SORCS2: variants seen among roughly 807,000 people sequenced by gnomAD.
SORCS2 encodes the protein VPS10 domain-containing receptor SorCS2.
Under a neutral mutation model 141.6 loss-of-function variants are expected in SORCS2, and 100 were observed. The ratio of observed to expected loss-of-function variants is 0.71; its 90% CI spans 0.60 to 0.83. The LOEUF is 0.83. SORCS2 is among the 40% of genes least tolerant of loss of function. SORCS2 has a pLI of 0.00. For missense variants in SORCS2, 1,646 were observed against 1,560.2 expected, an observed-to-expected ratio of 1.05 and a Z score of -0.93; for synonymous variants, 789 against 676.9, an observed-to-expected ratio of 1.17 and a Z score of -2.57.
chr4:7,724,474 A>ATGG (rs1288837332), intron 19 of SORCS2, among the ~76,000 whole-genome samples: 22 of 26,214 alleles, frequency 8.4e-4, no homozygotes, highest in African/African-American at 3.2e-3. Context: ...GGTGATGGTG[A>ATGG]TGGTGGTGAT....
At chr4:7,379,327 G>A (rs539632216) in intron 1 of SORCS2, among the ~76,000 whole-genome samples, 18 of 152,324 alleles carry the variant, frequency 1.2e-4, no homozygotes, top group African/African-American at 4.3e-4. Context: ...GGCATCTGCA[G>A]GGCTGCCTTG....
Position 7,689,553 on chromosome 4 carries a change from C to T in SORCS2, c.1556C>T (p.Thr519Ile). 3 of 1,605,388 alleles carry T rather than the reference C, an allele frequency of 1.9e-6. No homozygotes were observed. Among genetic ancestry groups the T allele is most frequent in the Non-Finnish European group, 1.7e-6 (2 of 1,176,518 alleles). The stretch of plus-strand genomic sequence containing the variant: ...CCCTACGTATCAGGCACCGTGCACA[C>T]CAAGGACACCGCCCCAGGCCTCATC... ...DNPYVSGTVHTKDTAPGLIMG... is the reference protein window; with the variant it reads ...DNPYVSGTVHIKDTAPGLIMG... Residue 519 changes from threonine to isoleucine, a missense_variant, in exon 11 of 27, where the codon ACC (threonine) becomes ATC (isoleucine). Transcript: ENST00000507866.
intron 1 of SORCS2, among the ~76,000 whole-genome samples, chr4:7,334,006 G>A (rs536929832): frequency 6.6e-6 from 1 of 152,226 alleles, no homozygotes; most frequent in East Asian, 1.9e-4. Flanking sequence ...TGCTGCCAGA[G>A]CCGACTGGGA....
At chr4:7,216,130 G>A (rs12152651) in intron 1 of SORCS2, among the ~76,000 whole-genome samples, 48,170 of 151,898 alleles carry the variant, frequency 0.32, 8,309 homozygotes, top group Non-Finnish European at 0.39. Context: ...ACGAGCCCAC[G>A]GGGAGGAACA....
intron 2 of SORCS2, among the ~76,000 whole-genome samples, chr4:7,400,593 A>C (rs1010997088): frequency 2.0e-5 from 3 of 152,222 alleles, no homozygotes; most frequent in Admixed American, 6.5e-5. Flanking sequence ...TAGGAGATAC[A>C]TGTTGGGCAT....
intron 2 of SORCS2, among the ~76,000 whole-genome samples, chr4:7,502,461 G>T (rs1336614190): frequency 6.6e-6 from 1 of 152,200 alleles, no homozygotes; most frequent in East Asian, 1.9e-4. Context: ...GGTGGAGATG[G>T]GGACATTCAA....
At chr4:7,344,771 G>A (rs1294517407) in intron 1 of SORCS2, among the ~76,000 whole-genome samples, 2 of 152,180 alleles carry the variant, frequency 1.3e-5, no homozygotes, top group East Asian at 1.9e-4. Context: ...ATGGGAAAGC[G>A]AATAAACCCC....
chr4:7,478,673 C>T (rs10937822), intron 2 of SORCS2, among the ~76,000 whole-genome samples: 11,251 of 152,212 alleles, frequency 0.074, 662 homozygotes, highest in South Asian at 0.23. Context: ...ACTTTGCACA[C>T]GGCTTCCTGA....
At chr4:7,554,828 AC>A (rs1478689756) in intron 3 of SORCS2, among the ~76,000 whole-genome samples, 1 of 152,120 alleles carries the variant, frequency 6.6e-6, no homozygotes, top group African/African-American at 2.4e-5. Flanking sequence ...TGCACACAGG[AC>A]CCCGTGAGAA....
At chr4:7,325,173 C>T (rs549674551) in intron 1 of SORCS2, among the ~76,000 whole-genome samples, 1 of 152,242 alleles carries the variant, frequency 6.6e-6, no homozygotes, top group South Asian at 2.1e-4. Flanking sequence ...TGAGGAGGTG[C>T]AGGGCACTGG....
At chr4:7,650,149 C>T (rs1721338609) in intron 4 of SORCS2, among the ~76,000 whole-genome samples, 1 of 152,216 alleles carries the variant, frequency 6.6e-6, no homozygotes, top group South Asian at 2.1e-4. Context: ...ATTCAAACCA[C>T]AGATAATTCA....
At chr4:7,574,369 C>A (rs1190458214) in intron 3 of SORCS2, among the ~76,000 whole-genome samples, 1 of 152,222 alleles carries the variant, frequency 6.6e-6, no homozygotes, top group Admixed American at 6.5e-5. Context: ...CAGCCAAGTG[C>A]ATTTTTTAAC....
At chr4:7,532,717 T>C (rs1466685255) in intron 3 of SORCS2, among the ~76,000 whole-genome samples, 1 of 151,506 alleles carries the variant, frequency 6.6e-6, no homozygotes, top group Non-Finnish European at 1.5e-5. Flanking sequence ...GGGGCTGAGA[T>C]GCGTGCAGCC....
chr4:7,463,211 A>G (rs7677309), intron 2 of SORCS2, among the ~76,000 whole-genome samples: 84,477 of 152,016 alleles, frequency 0.56, 24,532 homozygotes, highest in African/African-American at 0.68. Flanking sequence ...ATGAATGACT[A>G]CGGGATTAAG....
intron 14 of SORCS2, among the ~76,000 whole-genome samples, chr4:7,708,546 A>G (rs533732613): frequency 2.0e-5 from 3 of 151,992 alleles, no homozygotes; most frequent in Non-Finnish European, 4.4e-5. Context: ...CTTGTCCTTC[A>G]GCGCCCCGGG....
At chr4:7,406,770 G>T (rs750116401) in intron 2 of SORCS2, among the ~76,000 whole-genome samples, 2 of 151,424 alleles carry the variant, frequency 1.3e-5, no homozygotes, top group Non-Finnish European at 3.0e-5. Context: ...ATTAATTTTG[G>T]ATTTGGTTTG....
chr4:7,519,234 G>A (rs1375262588), intron 2 of SORCS2, among the ~76,000 whole-genome samples: 1 of 152,148 alleles, frequency 6.6e-6, no homozygotes, highest in South Asian at 2.1e-4. Context: ...CTCGTTCACC[G>A]TGGATGGTTA....
chr4:7,280,499 A>C (rs1324923516), intron 1 of SORCS2, among the ~76,000 whole-genome samples: 1 of 152,198 alleles, frequency 6.6e-6, no homozygotes, highest in Non-Finnish European at 1.5e-5. Context: ...TACTTCTTGC[A>C]GAAGGATAAC....
At chr4:7,341,302 G>T (rs1167170820) in intron 1 of SORCS2, among the ~76,000 whole-genome samples, 1 of 152,154 alleles carries the variant, frequency 6.6e-6, no homozygotes, top group East Asian at 1.9e-4. Context: ...TCTCTTGGGT[G>T]CCCTTCTGCC....
Sources: gnomAD v4.1 joint callset for allele counts (sites outside exome capture counted in the v4.1 genomes callset) on GRCh38, gnomAD v4.1.1 for gene constraint, MANE v1.5 for transcripts, NCBI Gene and HGNC (gene_info 2026-07-23, HGNC 2026-07-21) for gene names.